Variants in TAP2 observed in about 807,000 individuals in gnomAD.
The protein encoded by TAP2 is antigen peptide transporter 2.
TAP2 carries 49 observed loss-of-function variants against 74.7 expected under a neutral mutation model. That is an observed-to-expected ratio of 0.66 (90% confidence interval 0.52 to 0.83). The LOEUF is 0.83. TAP2 is among the 40% of genes least tolerant of loss of function. The probability of loss-of-function intolerance (pLI) is 0.00; values close to 1 mark genes in which losing one functional copy is unlikely to be tolerated. For synonymous variants in TAP2, 306 were observed against 368.4 expected, an observed-to-expected ratio of 0.83 and a Z score of 1.94; for missense variants, 739 against 859.0, an observed-to-expected ratio of 0.86 and a Z score of 1.75.
rs762266476 is a variant in TAP2 at position 32,829,956 on chromosome 6, T to C, written c.1769A>G (p.Gln590Arg). 21 of 1,612,996 alleles carry C rather than the reference T, an allele frequency of 1.3e-5. No individual in the cohort carries two copies. The African/African-American group carries it at 2.4e-4, about 18-fold the overall frequency. ...TGTGTATATTCCATGCTCCATTTCC[T>C]GGATGAAGTCATCTGCGTGGGCAGC... Reference protein sequence around the residue: ...AQAAHADDFIQEMEHGIYTDV... With the variant: ...AQAAHADDFIREMEHGIYTDV... Residue 590 changes from glutamine (Q) to arginine (R), a missense_variant, in exon 10 of 12, where the codon CAG (glutamine) becomes CGG (arginine). By Grantham distance (43) the Gln-to-Arg change is conservative (BLOSUM62 1). Coordinates refer to ENST00000374897, the MANE Select transcript of TAP2 (RefSeq NM_001290043.2).
At position 32,832,302 on chromosome 6, in the gene TAP2, A is replaced by G; in HGVS notation, c.1272+31T>C. The G allele has an allele frequency of 6.2e-7, 1 of 1,612,962 alleles. No homozygotes were observed. Among genetic ancestry groups the G allele is most frequent in the African/African-American group, 1.3e-5 (1 of 75,044 alleles). On this transcript the variant is annotated intron_variant, in intron 7 of 11. Coordinates refer to ENST00000374897, the MANE Select transcript of TAP2 (RefSeq NM_001290043.2). This position sits in a 1 kb window ranked among gnomAD's most constrained non-coding sequence, Gnocchi z 5.9. ...AGTCCACAAAGAAAAAGAGAGGGAA[A>G]AAAGGAGAGCAGGCTTGGCTTCTCG...
intron 3 of TAP2, 118 bp downstream of exon 3, chr6:32,837,419 T>C: frequency 1.3e-6 from 1 of 794,756 alleles, no homozygotes; most frequent in East Asian, 2.7e-5. Context: ...ATTCACCATA[T>C]TTTAGTTTAA....
chr6:32,829,807 A>G (rs1246365802), intron 10 of TAP2, 123 bp downstream of exon 10: 3 of 1,335,756 alleles, frequency 2.2e-6, no homozygotes, highest in Non-Finnish European at 3.2e-6. Context: ...GAGACGTAGG[A>G]ATGGAGGAAA....
rs1768605329 is a variant in TAP2, at chr6:32,825,727, T to C, written c.*3179A>G. 2.0e-5 allele frequency: 3 copies of C among 152,190 alleles called. No individual in the cohort carries two copies. Among genetic ancestry groups the C allele is most frequent in the African/African-American group, 7.2e-5 (3 of 41,434 alleles). The allele number at this position is 152,190 out of a possible 1,614,324, so 9.4% of individuals were successfully genotyped here. ...TAAATAATATATTTTAAAAAGAGGA[T>C]AGTAGGAAGATAAGTGGAGTCAGGG... is the stretch of plus-strand genomic sequence containing the variant. On this transcript the variant is annotated 3_prime_UTR_variant, in exon 12 of 12. Transcript: ENST00000374897.
In TAP2 at chr6:32,838,239, T is replaced by C; in HGVS notation, c.-4-2A>G. 6.4e-7 allele frequency: 1 copy of C among 1,553,882 alleles called. No individual in the cohort carries two copies. Among genetic ancestry groups the C allele is most frequent in the South Asian group, 1.2e-5 (1 of 82,530 alleles). On this transcript the variant is annotated splice_acceptor_variant, in intron 1 of 11. Coordinates refer to ENST00000374897, the MANE Select transcript of TAP2 (RefSeq NM_001290043.2). LOFTEE classifies it low-confidence loss of function (5UTR_SPLICE). ...CTCAGGTCAGGGAGCCGCATGGCTC[T>C]GTCAACGGATACGAGATGAGAAATC... is the stretch of plus-strand genomic sequence containing the variant.
At chr6:32,829,078 G>A (rs1193787800) in intron 11 of TAP2, 44 bp from the exon 12 acceptor site, 1 of 1,526,960 alleles carries the variant, frequency 6.5e-7, no homozygotes, top group South Asian at 1.2e-5. Context: ...GGAATGAGAT[G>A]GACACCACAT....
chr6:32,827,162 A>G lies in TAP2; in HGVS notation c.*1744T>C. On this transcript the variant is annotated 3_prime_UTR_variant, in exon 12 of 12. Coordinates refer to ENST00000374897, the MANE Select transcript of TAP2 (RefSeq NM_001290043.2). ...CAGTTCTGGGGAATTCATTGCCAGC[A>G]CTGGAAACTACCTGCTGTTTCCAGG... 1 of 985,596 alleles carries G rather than the reference A, an allele frequency of 1.0e-6. No individual in the cohort carries two copies. 61.1% of individuals were successfully genotyped at this position (985,596 alleles called of 1,614,324 possible).
In TAP2 at chr6:32,828,679, C is replaced by CACCCAACCA; in HGVS notation, c.*226_*227insTGGTTGGGT. The CACCCAACCA allele has an allele frequency of 4.2e-6, 4 of 948,140 alleles. No homozygotes were observed. Among genetic ancestry groups the CACCCAACCA allele is most frequent in the Non-Finnish European group, 3.8e-6 (3 of 788,692 alleles). The allele number at this position is 948,140 out of a possible 1,614,324, so 58.7% of individuals were successfully genotyped here. ...TAAGTTTCCTGGACACAGACAGCCCCCACCCCACCCCACCCCACCTCTCTA... is the reference window on the plus strand; with the variant it reads ...TAAGTTTCCTGGACACAGACAGCCCCACCCAACCACACCCCACCCCACCCCACCTCTCTA... On this transcript the variant is annotated 3_prime_UTR_variant, in exon 12 of 12. Transcript: ENST00000374897.
rs1477095141 is a variant in TAP2, at chr6:32,838,355, A to T, written c.-4-118T>A. On this transcript the variant is annotated intron_variant, in intron 1 of 11. Transcript: ENST00000374897. ...TCGGCTTCTCATTTTATCCTATTCAACCCTGAGAGCTCTCCTGAGTAACCG... is the reference window on the plus strand; with the variant it reads ...TCGGCTTCTCATTTTATCCTATTCATCCCTGAGAGCTCTCCTGAGTAACCG... 3.0e-3 allele frequency: 4,031 copies of T among 1,365,506 alleles called. 11 individuals are homozygous for T. The highest frequency in any genetic ancestry group is 3.6e-3 in the Non-Finnish European group (3,748 of 1,046,650). 84.6% of individuals were successfully genotyped at this position (1,365,506 alleles called of 1,614,324 possible).
In TAP2 at chr6:32,826,373, C is replaced by G. The variant is rs541794572; in HGVS notation, c.*2533G>C. On this transcript the variant is annotated 3_prime_UTR_variant, in exon 12 of 12. Coordinates refer to ENST00000374897, the MANE Select transcript of TAP2 (RefSeq NM_001290043.2). Reference sequence around the variant, plus strand: ...TTTCCTTTAGAAAGAATAAGGCATGCCTGGGTGGGAAAGATACTGCAGGTA... The same window carrying G: ...TTTCCTTTAGAAAGAATAAGGCATGGCTGGGTGGGAAAGATACTGCAGGTA... 1 of 985,302 alleles carries G rather than the reference C, an allele frequency of 1.0e-6. No homozygotes were observed. The highest frequency in any genetic ancestry group is 1.1e-4 in the East Asian group (1 of 8,816). The allele number at this position is 985,302 out of a possible 1,614,324, so 61.0% of individuals were successfully genotyped here.
rs1227374503 is a variant in TAP2 at position 32,829,426 on chromosome 6, C to T, written c.1906G>A (p.Ala636Thr). 7 of 1,608,408 alleles carry T rather than the reference C, an allele frequency of 4.4e-6. No homozygotes were observed. The highest frequency in any genetic ancestry group is 5.9e-6 in the Non-Finnish European group (7 of 1,177,228). The stretch of plus-strand genomic sequence containing the variant: ...GCCTGCTCGCACTGCACATCTAGGG[C>T]ACTAGTAGCCTCATCCAGGATGAGG... ...RVLILDEATS[A>T]LDVQCEQALQ... Residue 636 changes from alanine (A) to threonine (T), a missense_variant, in exon 11 of 12, where the codon GCC (alanine) becomes ACC (threonine). Physicochemically the swap from Ala to Thr is moderately conservative, Grantham distance 58 (BLOSUM62 0). Transcript: ENST00000374897.
chr6:32,821,990 A>C (rs1768312269), downstream of TAP2: 1 of 370,700 alleles, frequency 2.7e-6, no homozygotes, highest in African/African-American at 2.1e-5. Flanking sequence ...GGATGTAAGA[A>C]ACAAAAGAAA....
chr6:32,825,578 C>A lies in TAP2; in HGVS notation c.*3328G>T, dbSNP rs186438895. On this transcript the variant is annotated 3_prime_UTR_variant, in exon 12 of 12. Transcript: ENST00000374897. ...AAAGATAAACACAAAGCTGGAAGAA[C>A]GGATTGCCTATGCAAGAGGAATTAG... 6.6e-6 allele frequency: 1 copy of A among 152,190 alleles called. No homozygotes were observed. Among genetic ancestry groups the A allele is most frequent in the Non-Finnish European group, 1.5e-5 (1 of 68,040 alleles). 9.4% of individuals were successfully genotyped at this position (152,190 alleles called of 1,614,324 possible). A position where few individuals can be genotyped will look rare whatever the true frequency, so the allele number is the denominator to read the frequency against.
chr6:32,826,214 A>G lies in TAP2; in HGVS notation c.*2692T>C. 2.0e-6 allele frequency: 2 copies of G among 985,442 alleles called. No homozygotes were observed. The highest frequency in any genetic ancestry group is 2.4e-6 in the Non-Finnish European group (2 of 829,938). The allele number at this position is 985,442 out of a possible 1,614,324, so 61.0% of individuals were successfully genotyped here. ...ATTGCCATGTGGATTACAAGTGGCT[A>G]TCCCTGGGTGGAGGCATAAAGGACT... On this transcript the variant is annotated 3_prime_UTR_variant, in exon 12 of 12. Transcript: ENST00000374897.
At chr6:32,825,305 C>T (rs1768573312), downstream of TAP2, 1 of 152,028 alleles carries the variant, frequency 6.6e-6, no homozygotes, top group Admixed American at 6.6e-5. Context: ...TGCACATGTG[C>T]ATTACAATGT....
downstream of TAP2, among the ~76,000 whole-genome samples, chr6:32,823,970 C>A (rs975511627): frequency 2.0e-5 from 3 of 149,018 alleles, no homozygotes; most frequent in Non-Finnish European, 4.4e-5. Context: ...CTCCCTTCCT[C>A]TTTCTGTGTG....
At chr6:32,838,268 G>A in intron 1 of TAP2, 31 bp from the exon 2 acceptor site, 3 of 1,528,678 alleles carry the variant, frequency 2.0e-6, no homozygotes, top group Non-Finnish European at 2.6e-6. Flanking sequence ...AGAAATCATG[G>A]GGGTGGAGTC....
rs1188695839 is a variant in TAP2 at position 32,827,302 on chromosome 6, A to G, written c.*1604T>C. On this transcript the variant is annotated 3_prime_UTR_variant, in exon 12 of 12. Transcript: ENST00000374897. The stretch of plus-strand genomic sequence containing the variant: ...TGGTGGGAGTGGGCAGGGAGGATTA[A>G]GATTAGTACGATGGTGGAGATATTT... The G allele has an allele frequency of 9.1e-6, 9 of 985,306 alleles. No homozygotes were observed. Among genetic ancestry groups the G allele is most frequent in the Non-Finnish European group, 1.1e-5 (9 of 829,928 alleles). 61.0% of individuals were successfully genotyped at this position (985,306 alleles called of 1,614,324 possible).
In TAP2 at chr6:32,828,690, C is replaced by CCCCCCCCCCCCACAA; in HGVS notation, c.*215_*216insTTGTGGGGGGGGGGG. 4 of 1,016,342 alleles carry CCCCCCCCCCCCACAA rather than the reference C, an allele frequency of 3.9e-6. No homozygotes were observed. The highest frequency in any genetic ancestry group is 4.7e-6 in the Non-Finnish European group (4 of 844,316). The allele number at this position is 1,016,342 out of a possible 1,614,324, so 63.0% of individuals were successfully genotyped here. ...GACACAGACAGCCCCCACCCCACCC[C>CCCCCCCCCCCCACAA]ACCCCACCTCTCTACCCCACCAAAA... On this transcript the variant is annotated 3_prime_UTR_variant, in exon 12 of 12. Coordinates refer to ENST00000374897, the MANE Select transcript of TAP2 (RefSeq NM_001290043.2).
Sources: gnomAD v4.1 joint callset for allele counts (sites outside exome capture counted in the v4.1 genomes callset) on GRCh38, gnomAD v4.1.1 for gene constraint, Gnocchi (gnomAD v3.1) non-coding constraint, MANE v1.5 for transcripts, NCBI Gene and HGNC (gene_info 2026-07-23, HGNC 2026-07-21) for gene names.